The following RAPH1 variants were observed in gnomAD, a reference collection of about 807,000 sequenced individuals.
RAPH1 encodes Ras association (RalGDS/AF-6) and pleckstrin homology domains 1.
In RAPH1, 18 loss-of-function variants were observed where a neutral mutation model predicts 88.1. The ratio of observed to expected loss-of-function variants is 0.20; its 90% CI spans 0.14 to 0.30. The LOEUF is 0.30. Among genes scored for constraint, RAPH1 ranks in the 10% least tolerant of loss-of-function variants. The pLI is 1.00. For missense variants in RAPH1, 1,448 were observed against 1,543.2 expected (o/e 0.94, Z 1.03); for synonymous variants, 587 against 559.0 (o/e 1.05, Z -0.71).
At chr2:203,461,781 G>A (rs1208196173) in intron 5 of RAPH1, 67 bp downstream of exon 5, 2 of 1,143,862 alleles carry the variant, frequency 1.7e-6, no homozygotes, top group African/African-American at 1.6e-5. Context: ...ACATAAACAA[G>A]GCAATTCTTC....
rs7562280 is a variant in RAPH1, at chr2:203,506,742, C to A, written c.1-11389G>T. Among the ~76,000 whole-genome samples, 31 of 110,842 alleles carry A rather than the reference C, an allele frequency of 2.8e-4. 3 individuals carry two copies. The highest frequency in any genetic ancestry group is 1.0e-3 in the South Asian group (4 of 3,876). The allele number at this position is 110,842 out of a possible 152,430, so 72.7% of individuals were successfully genotyped here. ...CTAAAATCCATATATAGATATATAT[C>A]TATATATATATATATCTATATATAT... On this transcript the variant is annotated intron_variant, in intron 1 of 13. Coordinates refer to ENST00000319170, the MANE Select transcript of RAPH1 (RefSeq NM_213589.3).
intron 4 of RAPH1, among the ~76,000 whole-genome samples, chr2:203,488,497 G>A (rs1314476075): frequency 2.1e-5 from 3 of 144,178 alleles, no homozygotes; most frequent in African/African-American, 7.7e-5. Context: ...GCTGAGGCAG[G>A]AGAATCACTT....
chr2:203,495,152 T>G, intron 2 of RAPH1, 82 bp downstream of exon 2: 4 of 1,471,154 alleles, frequency 2.7e-6, no homozygotes, highest in Non-Finnish European at 3.7e-6. Context: ...ATTTAACTTA[T>G]ATCCATATCC....
At chr2:203,452,340 A>AATTACCAT (rs2098515612) in intron 10 of RAPH1, among the ~76,000 whole-genome samples, 1 of 152,180 alleles carries the variant, frequency 6.6e-6, no homozygotes, top group South Asian at 2.1e-4. Flanking sequence ...TAGAAGATGA[A>AATTACCAT]ATTACCATGC....
intron 4 of RAPH1, chr2:203,470,263 T>G: frequency 1.9e-6 from 3 of 1,612,830 alleles, no homozygotes; most frequent in Non-Finnish European, 2.5e-6. Flanking sequence ...GAGAAGGTTT[T>G]CCTGCAATGT....
chr2:203,488,267 TTCTC>T, intron 4 of RAPH1, among the ~76,000 whole-genome samples: 1 of 152,252 alleles, frequency 6.6e-6, no homozygotes, highest in East Asian at 1.9e-4. Flanking sequence ...TAACTTACGG[TTCTC>T]TGAACCACCC....
At position 203,495,339 on chromosome 2, in the gene RAPH1, T is replaced by C; in HGVS notation, c.15A>G (p.Ser5=). ...CAGCACCATGATCAATTTCTTCATC[T>C]GATAGCTGCTCCATCTGAAATACAG... is the stretch of plus-strand genomic sequence containing the variant. MEQL[S]DEEIDHGAEE... Residue 5 remains serine, a synonymous_variant, in exon 2 of 14, where the codon TCA becomes TCG. Coordinates refer to ENST00000319170, the MANE Select transcript of RAPH1 (RefSeq NM_213589.3). 1 of 1,614,050 alleles carries C rather than the reference T, an allele frequency of 6.2e-7. No homozygotes were observed. Among genetic ancestry groups the C allele is most frequent in the Non-Finnish European group, 8.5e-7 (1 of 1,179,982 alleles).
At chr2:203,495,056 T>C in intron 2 of RAPH1, 178 bp downstream of exon 2, 2 of 576,242 alleles carry the variant, frequency 3.5e-6, no homozygotes, top group South Asian at 3.7e-5. Flanking sequence ...AAAATAACCA[T>C]AGATTCTTAA....
chr2:203,465,402 G>A (rs2098527685), intron 4 of RAPH1, among the ~76,000 whole-genome samples: 1 of 152,176 alleles, frequency 6.6e-6, no homozygotes, highest in Admixed American at 6.5e-5. Context: ...AAGATATTTA[G>A]TGTACAATTC....
In RAPH1 at chr2:203,441,047, G is replaced by C. The variant is rs377174477; in HGVS notation, c.2143C>G (p.Pro715Ala). ...GAGCCTGGGGTTGGGGGTGGAGGAG[G>C]GGGAGGGGGTGGTGGAACAACTCCA... Reference protein sequence around the residue: ...PNGVVPPPPPPPPPPTPGSAM... With the variant: ...PNGVVPPPPPAPPPPTPGSAM... The change falls in exon 14 of 14, where the codon CCT (proline) becomes GCT (alanine). Residue 715 changes from proline to alanine, a missense_variant. This residue lies in a region of RAPH1 where 935 missense variants were observed against 890.1 expected (regional missense o/e 1.05). Coordinates refer to ENST00000319170, the MANE Select transcript of RAPH1 (RefSeq NM_213589.3). 2.1e-5 allele frequency: 30 copies of C among 1,447,720 alleles called. No homozygotes were observed. The highest frequency in any genetic ancestry group is 5.6e-6 in the Non-Finnish European group (6 of 1,063,082). The allele number at this position is 1,447,720 out of a possible 1,614,324, so 89.7% of individuals were successfully genotyped here. A position where few individuals can be genotyped will look rare whatever the true frequency, so the allele number is the denominator to read the frequency against.
chr2:203,495,129 G>T (rs1469200013), intron 2 of RAPH1, 105 bp downstream of exon 2: 8 of 1,227,928 alleles, frequency 6.5e-6, no homozygotes, highest in Non-Finnish European at 9.2e-6. Flanking sequence ...TTCCTTTCTG[G>T]CAATACTTTA....
chr2:203,509,783 G>A (rs1307159898), intron 1 of RAPH1, among the ~76,000 whole-genome samples: 1 of 152,138 alleles, frequency 6.6e-6, no homozygotes, highest in Admixed American at 6.5e-5. Context: ...CTCATGAATA[G>A]TTTAATACCA....
At chr2:203,473,573 GA>G (rs1259762574) in intron 4 of RAPH1, among the ~76,000 whole-genome samples, 2 of 151,996 alleles carry the variant, frequency 1.3e-5, no homozygotes, top group Non-Finnish European at 2.9e-5. Flanking sequence ...GATTACAGGG[GA>G]AAAAAATCAG....
At position 203,438,842 on chromosome 2, in the gene RAPH1, C is replaced by T. The variant is rs2098500585; in HGVS notation, c.*595G>A. On this transcript the variant is annotated 3_prime_UTR_variant, in exon 14 of 14. Coordinates refer to ENST00000319170, the MANE Select transcript of RAPH1 (RefSeq NM_213589.3). ...CGTTCTATGAAGCTGAGAGATTTTC[C>T]TGATTTAAAGTGCCCCTTCATGTAT... 6.5e-6 allele frequency: 1 copy of T among 153,984 alleles called. No individual in the cohort carries two copies. The highest frequency in any genetic ancestry group is 1.4e-5 in the Non-Finnish European group (1 of 69,134). 9.5% of individuals were successfully genotyped at this position (153,984 alleles called of 1,614,324 possible). A position where few individuals can be genotyped will look rare whatever the true frequency, so the allele number is the denominator to read the frequency against.
At chr2:203,461,756 T>C in intron 5 of RAPH1, 92 bp downstream of exon 5, 1 of 884,338 alleles carries the variant, frequency 1.1e-6, no homozygotes. Context: ...TCTCTCCATA[T>C]CTTAGAAGTA....
intron 1 of RAPH1, among the ~76,000 whole-genome samples, chr2:203,514,357 TTTTG>T (rs1195882848): frequency 1.3e-5 from 2 of 150,708 alleles, no homozygotes; most frequent in East Asian, 1.9e-4. Flanking sequence ...TTTAGGGTTT[TTTTG>T]TTTTTGTTTT....
intron 8 of RAPH1, among the ~76,000 whole-genome samples, chr2:203,456,230 A>G (rs2098519443): frequency 6.6e-6 from 1 of 152,238 alleles, no homozygotes; most frequent in African/African-American, 2.4e-5. Context: ...ATGTAACAGT[A>G]GTTAAATACC....
At chr2:203,461,746 T>C (rs1226381134) in intron 5 of RAPH1, 102 bp downstream of exon 5, 2 of 764,330 alleles carry the variant, frequency 2.6e-6, no homozygotes, top group Non-Finnish European at 4.1e-6. Flanking sequence ...TGCCCCTGTA[T>C]CTCTCCATAT....
chr2:203,440,332 C>T lies in RAPH1; in HGVS notation c.2858G>A (p.Ser953Asn). ...ACTGGTCTTTTTGCCTGGAGATCCA[C>T]TTTTGTCAGGGGTAGGAGAAGCTGT... ...PPTASPTPDK[S>N]GSPGKKTSKT... Residue 953 changes from serine to asparagine, a missense_variant, in exon 14 of 14, where the codon AGT (serine) becomes AAT (asparagine). Around this residue, in one of 2 missense-constraint regions of RAPH1, gnomAD observed 935 missense variants for 890.1 expected, o/e 1.05. Transcript: ENST00000319170. 1 of 1,610,962 alleles carries T rather than the reference C, an allele frequency of 6.2e-7. No individual in the cohort carries two copies. Among genetic ancestry groups the T allele is most frequent in the Non-Finnish European group, 8.5e-7 (1 of 1,178,780 alleles).
Sources: gnomAD v4.1 joint callset for allele counts (sites outside exome capture counted in the v4.1 genomes callset) on GRCh38, gnomAD v4.1.1 for gene constraint, gnomAD v4.1.1 regional missense constraint, MANE v1.5 for transcripts, NCBI Gene and HGNC (gene_info 2026-07-23, HGNC 2026-07-21) for gene names.